Variants in RBX1 observed in about 807,000 individuals in gnomAD.
RBX1 encodes the protein ring-box 1.
For synonymous variants in RBX1, 48 were observed against 47.9 expected (o/e 1.00, Z -0.01); for missense variants, 46 against 141.4 (o/e 0.33, Z 3.42).
At chr22:40,953,094 G>T (rs554489007) in intron 1 of RBX1, among the ~76,000 whole-genome samples, 1 of 146,628 alleles carries the variant, frequency 6.8e-6, no homozygotes, top group African/African-American at 2.5e-5. Flanking sequence ...AGATTCAAGC[G>T]ATTCTCCTGC....
chr22:40,959,078 A>C (rs2058332992), intron 2 of RBX1, among the ~76,000 whole-genome samples: 1 of 152,090 alleles, frequency 6.6e-6, no homozygotes, highest in South Asian at 2.1e-4. Flanking sequence ...GGCCTCCCAA[A>C]GTGCTGGGAT....
intron 2 of RBX1, 120 bp downstream of exon 2, chr22:40,953,753 C>G (rs2058317678): frequency 1.5e-6 from 1 of 684,992 alleles, no homozygotes; most frequent in East Asian, 2.9e-5. Context: ...AGCACTCGGT[C>G]TTCTGTATCT....
intron 2 of RBX1, 105 bp downstream of exon 2, chr22:40,953,738 C>G: frequency 1.3e-6 from 1 of 753,770 alleles, no homozygotes; most frequent in Non-Finnish European, 2.4e-6. Context: ...AGCAAGCCTA[C>G]TCTGAGCACT....
At chr22:40,964,192 ATAAC>A (rs2058348108) in intron 3 of RBX1, 75 bp downstream of exon 3, 2 of 1,157,556 alleles carry the variant, frequency 1.7e-6, no homozygotes, top group Non-Finnish European at 2.6e-6. Context: ...AGTCTTGAAA[ATAAC>A]TAGGGAAAAA....
chr22:40,963,327 C>A (rs2058346038), intron 2 of RBX1, among the ~76,000 whole-genome samples: 2 of 152,062 alleles, frequency 1.3e-5, no homozygotes, highest in African/African-American at 4.8e-5. Flanking sequence ...CCCATCAGAT[C>A]TTGATCTCAG....
chr22:40,970,230 T>C (rs889846095), intron 4 of RBX1, among the ~76,000 whole-genome samples: 3 of 150,788 alleles, frequency 2.0e-5, no homozygotes, highest in African/African-American at 4.9e-5. Flanking sequence ...GTGGTGCCTA[T>C]AATCCCAGCT....
At chr22:40,952,951 C>G (rs2058315303) in intron 1 of RBX1, among the ~76,000 whole-genome samples, 1 of 150,974 alleles carries the variant, frequency 6.6e-6, no homozygotes, top group African/African-American at 2.4e-5. Context: ...GCAACTGCCA[C>G]CAAAACCTGC....
chr22:40,953,683 G>T, intron 2 of RBX1, 50 bp downstream of exon 2: 2 of 1,310,884 alleles, frequency 1.5e-6, no homozygotes, highest in Non-Finnish European at 2.2e-6. Flanking sequence ...TGCAGAGATT[G>T]TGGCTATCTT....
intron 2 of RBX1, among the ~76,000 whole-genome samples, chr22:40,961,931 T>C (rs1380049210): frequency 6.6e-6 from 1 of 151,854 alleles, no homozygotes; most frequent in African/African-American, 2.4e-5. Context: ...ATTACAGATA[T>C]CCACCACCAT....
In RBX1 at chr22:40,972,564, A is replaced by G; in HGVS notation, c.*76A>G. On this transcript the variant is annotated 3_prime_UTR_variant, in exon 5 of 5. Transcript: ENST00000216225. ...TTTCCCTGCTGTTACCTAATTACAAATTGGATGGAACTGTGTTTTTTTCTG... is the reference window on the plus strand; with the variant it reads ...TTTCCCTGCTGTTACCTAATTACAAGTTGGATGGAACTGTGTTTTTTTCTG... The G allele has an allele frequency of 1.7e-6, 2 of 1,204,532 alleles. No homozygotes were observed. The highest frequency in any genetic ancestry group is 2.5e-5 in the South Asian group (2 of 81,508). The allele number at this position is 1,204,532 out of a possible 1,614,324, so 74.6% of individuals were successfully genotyped here.
intron 1 of RBX1, 114 bp downstream of exon 1, chr22:40,951,590 G>A (rs2058310522): frequency 4.0e-6 from 4 of 994,500 alleles, no homozygotes; most frequent in Non-Finnish European, 5.9e-6. Context: ...GCGTTCCTGG[G>A]ACCGGGTACC....
chr22:40,968,797 T>C (rs1022541673), intron 4 of RBX1, among the ~76,000 whole-genome samples: 9 of 151,920 alleles, frequency 5.9e-5, no homozygotes, highest in Admixed American at 2.6e-4. Context: ...TGGTTGTGTG[T>C]ATATATATAT....
chr22:40,958,977 C>T (rs1033217173), intron 2 of RBX1, among the ~76,000 whole-genome samples: 1 of 152,088 alleles, frequency 6.6e-6, no homozygotes, highest in African/African-American at 2.4e-5. Context: ...GCATGCCCAG[C>T]TAATTTTTGT....
intron 2 of RBX1, among the ~76,000 whole-genome samples, chr22:40,954,227 C>A (rs1414540255): frequency 7.9e-5 from 12 of 151,682 alleles, no homozygotes; most frequent in Non-Finnish European, 1.5e-4. Context: ...CGAGATCACA[C>A]CACTGCACTA....
chr22:40,971,975 G>T (rs911660095), intron 4 of RBX1, among the ~76,000 whole-genome samples: 1 of 152,202 alleles, frequency 6.6e-6, no homozygotes, highest in East Asian at 1.9e-4. Flanking sequence ...AATCAGAGTT[G>T]TAATTGGAGC....
At chr22:40,970,572 G>C (rs574046824) in intron 4 of RBX1, among the ~76,000 whole-genome samples, 1 of 152,130 alleles carries the variant, frequency 6.6e-6, no homozygotes, top group Non-Finnish European at 1.5e-5. Context: ...CAGTAAGATT[G>C]GGCAATTGTT....
chr22:40,953,424 T>C (rs773037436), intron 1 of RBX1, 131 bp from the exon 2 acceptor site: 1 of 621,404 alleles, frequency 1.6e-6, no homozygotes, highest in Non-Finnish European at 3.0e-6. Flanking sequence ...ATTAACGTAA[T>C]ATCCAAAAAC....
intron 2 of RBX1, among the ~76,000 whole-genome samples, chr22:40,957,616 TGA>T (rs2058329232): frequency 6.6e-6 from 1 of 152,082 alleles, no homozygotes; most frequent in South Asian, 2.1e-4. Context: ...CCAGCCTAGG[TGA>T]GAGAGTGAGA....
chr22:40,951,543 G>A (rs1297013689), intron 1 of RBX1, 67 bp downstream of exon 1: 4 of 1,481,090 alleles, frequency 2.7e-6, no homozygotes, highest in Non-Finnish European at 1.9e-6. Flanking sequence ...CAGGCCCGAG[G>A]ATGGTCGAGG....
Sources: gnomAD v4.1 joint callset for allele counts (sites outside exome capture counted in the v4.1 genomes callset) on GRCh38, gnomAD v4.1.1 for gene constraint, MANE v1.5 for transcripts, NCBI Gene and HGNC (gene_info 2026-07-23, HGNC 2026-07-21) for gene names.